The following KIAA1958 variants were observed in gnomAD, a reference collection of about 807,000 sequenced individuals.
The protein encoded by KIAA1958 is uncharacterized protein KIAA1958.
A neutral mutation model predicts 47.2 loss-of-function variants in KIAA1958; 14 were observed. That is an observed-to-expected ratio of 0.30 (90% CI 0.20 to 0.46). The LOEUF (loss-of-function observed/expected upper bound fraction) is 0.46. Among genes scored for constraint, KIAA1958 ranks in the 20% least tolerant of loss-of-function variants. The pLI is 1.00. For synonymous variants in KIAA1958, 354 were observed against 353.3 expected, an observed-to-expected ratio of 1.00 and a Z score of -0.02; for missense variants, 803 against 909.2, an observed-to-expected ratio of 0.88 and a Z score of 1.50.
chr9:112,496,134 C>G (rs1370355605), intron 1 of KIAA1958, among the ~76,000 whole-genome samples: 1 of 152,102 alleles, frequency 6.6e-6, no homozygotes, highest in African/African-American at 2.4e-5. Flanking sequence ...TGTTTTAAGC[C>G]ACTAAATTTT....
chr9:112,588,622 A>G (rs1350065270), intron 2 of KIAA1958, among the ~76,000 whole-genome samples: 1 of 152,100 alleles, frequency 6.6e-6, no homozygotes, highest in African/African-American at 2.4e-5. Flanking sequence ...TTGTTTTGTT[A>G]CTTTGTGTGT....
At chr9:112,496,523 A>C (rs565372475) in intron 1 of KIAA1958, among the ~76,000 whole-genome samples, 177 of 152,278 alleles carry the variant, frequency 1.2e-3, no homozygotes, top group East Asian at 1.7e-3. Context: ...GAAATTGTGA[A>C]ATATCAGCAA....
intron 1 of KIAA1958, among the ~76,000 whole-genome samples, chr9:112,537,742 T>A (rs1834880094): frequency 6.6e-6 from 1 of 152,216 alleles, no homozygotes; most frequent in African/African-American, 2.4e-5. Flanking sequence ...TTGGCAGTTA[T>A]TTCAGTTATC....
At chr9:112,520,148 T>C (rs1037484644) in intron 1 of KIAA1958, among the ~76,000 whole-genome samples, 8 of 152,222 alleles carry the variant, frequency 5.3e-5, no homozygotes, top group Non-Finnish European at 1.2e-4. Flanking sequence ...AATTAATTTG[T>C]TTTTGCATTT....
chr9:112,583,027 C>T (rs1464062938), intron 2 of KIAA1958, among the ~76,000 whole-genome samples: 1 of 152,194 alleles, frequency 6.6e-6, no homozygotes, highest in Non-Finnish European at 1.5e-5. Context: ...CGCATTAGAG[C>T]TTGAGAAGCA....
intron 3 of KIAA1958, among the ~76,000 whole-genome samples, chr9:112,647,624 A>G (rs1836998377): frequency 6.6e-6 from 1 of 152,268 alleles, no homozygotes; most frequent in African/African-American, 2.4e-5. Flanking sequence ...TACTAATCAC[A>G]GTAATCTAGC....
intron 1 of KIAA1958, among the ~76,000 whole-genome samples, chr9:112,499,645 TAAAAG>T (rs1834099295): frequency 3.3e-5 from 5 of 151,978 alleles, no homozygotes; most frequent in Middle Eastern, 3.4e-3. Context: ...TTCTGGTAGA[TAAAAG>T]TCTTAACACA....
chr9:112,598,551 C>T (rs1241083008), intron 2 of KIAA1958, among the ~76,000 whole-genome samples: 1 of 152,056 alleles, frequency 6.6e-6, no homozygotes, highest in African/African-American at 2.4e-5. Flanking sequence ...TTCTGTGTCA[C>T]CCATGGAAAA....
chr9:112,660,173 C>T lies in KIAA1958; in HGVS notation c.*104C>T, dbSNP rs752507795. 17 of 958,506 alleles carry T rather than the reference C, an allele frequency of 1.8e-5. No individual in the cohort carries two copies. The highest frequency in any genetic ancestry group is 2.4e-5 in the Non-Finnish European group (15 of 638,028). 59.4% of individuals were successfully genotyped at this position (958,506 alleles called of 1,614,324 possible). A position where few individuals can be genotyped will look rare whatever the true frequency, so the allele number is the denominator to read the frequency against. On this transcript the variant is annotated 3_prime_UTR_variant, in exon 4 of 4. Transcript: ENST00000337530. The stretch of plus-strand genomic sequence containing the variant: ...CAGGGGCTGACCAGGTGTGACCTCC[C>T]GGTCTGGCGGCTCTCCCCTGGTGTG...
intron 2 of KIAA1958, among the ~76,000 whole-genome samples, chr9:112,638,728 A>G (rs1240748952): frequency 1.3e-5 from 2 of 152,006 alleles, no homozygotes; most frequent in African/African-American, 4.8e-5. Context: ...CTTAATTACA[A>G]ATATGTTAGA....
At chr9:112,609,451 T>C (rs1836287554) in intron 2 of KIAA1958, among the ~76,000 whole-genome samples, 1 of 152,162 alleles carries the variant, frequency 6.6e-6, no homozygotes, top group South Asian at 2.1e-4. Flanking sequence ...GTAAAAAATT[T>C]TAAGGTGAAG....
At chr9:112,494,002 C>G (rs1834013176) in intron 1 of KIAA1958, among the ~76,000 whole-genome samples, 1 of 152,176 alleles carries the variant, frequency 6.6e-6, no homozygotes, top group Non-Finnish European at 1.5e-5. Flanking sequence ...CCTGACTGTT[C>G]CAATAAAACT....
At chr9:112,637,225 T>C (rs1479835145) in intron 2 of KIAA1958, among the ~76,000 whole-genome samples, 1 of 152,218 alleles carries the variant, frequency 6.6e-6, no homozygotes. Context: ...CACCTACATA[T>C]TCACACTTTC....
At chr9:112,658,975 A>C (rs537884230) in intron 3 of KIAA1958, among the ~76,000 whole-genome samples, 42 of 142,858 alleles carry the variant, frequency 2.9e-4, no homozygotes, top group Admixed American at 5.8e-4. Flanking sequence ...AGCCGAGATC[A>C]CGCCACTGCA....
intron 1 of KIAA1958, 147 bp from the exon 2 acceptor site, chr9:112,573,910 C>T: frequency 2.1e-6 from 1 of 475,832 alleles, no homozygotes; most frequent in Non-Finnish European, 3.7e-6. Flanking sequence ...CCAGTCCCTG[C>T]TCATCTACAG....
intron 1 of KIAA1958, among the ~76,000 whole-genome samples, chr9:112,537,267 G>T (rs889215627): frequency 2.6e-5 from 4 of 151,958 alleles, no homozygotes; most frequent in African/African-American, 9.7e-5. Flanking sequence ...CACCACACCC[G>T]ATTAATTTTT....
intron 2 of KIAA1958, among the ~76,000 whole-genome samples, chr9:112,578,848 C>T (rs773280666): frequency 6.6e-6 from 1 of 151,932 alleles, no homozygotes; most frequent in Non-Finnish European, 1.5e-5. Flanking sequence ...ACATTTAAAT[C>T]TCTATCGCAT....
chr9:112,597,235 AT>A (rs1836047918), intron 2 of KIAA1958, among the ~76,000 whole-genome samples: 1 of 152,184 alleles, frequency 6.6e-6, no homozygotes, highest in African/African-American at 2.4e-5. Context: ...TGATTACTAC[AT>A]GCAAAATAGC....
intron 1 of KIAA1958, among the ~76,000 whole-genome samples, chr9:112,547,998 C>CT (rs372918486): frequency 1.7e-3 from 160 of 94,566 alleles, no homozygotes; most frequent in Non-Finnish European, 2.3e-3. Flanking sequence ...GTCAGAAAAT[C>CT]TTTTTTTTTT....
Sources: allele counts gnomAD v4.1 joint callset (sites outside exome capture counted in the v4.1 genomes callset), GRCh38; gene constraint gnomAD v4.1.1; transcripts MANE v1.5; gene names NCBI Gene and HGNC (gene_info 2026-07-23, HGNC 2026-07-21).